The following LRRC27 variants were observed in gnomAD, a reference collection of about 807,000 sequenced individuals.
LRRC27 encodes leucine rich repeat containing 27.
LRRC27 carries 57 observed loss-of-function variants against 55.0 expected under a neutral mutation model. The observed-to-expected ratio is 1.04, with a 90% CI of 0.84 to 1.29. LRRC27 has a LOEUF of 1.29. Among genes scored for constraint, LRRC27 ranks in the 50% most tolerant of loss-of-function variants. LRRC27 has a pLI of 0.00. For missense variants in LRRC27, 721 were observed against 651.5 expected, an observed-to-expected ratio of 1.11 and a Z score of -1.16; for synonymous variants, 278 against 251.9, an observed-to-expected ratio of 1.10 and a Z score of -0.98.
At chr10:132,331,504 GTC>G (rs1179177863), upstream of LRRC27, 3 of 1,612,908 alleles carry the variant, frequency 1.9e-6, no homozygotes, top group Non-Finnish European at 2.5e-6. Context: ...GACGCTCTGA[GTC>G]TGCGTTCCCC....
rs1485594945 is a variant in LRRC27, at chr10:132,344,501, G to A, written c.404G>A (p.Ser135Asn). 18 of 1,612,682 alleles carry A rather than the reference G, an allele frequency of 1.1e-5. 1 individual carries two copies. In the Admixed American group the frequency reaches 2.7e-4, roughly 24 times the overall value. Residue 135 changes from serine (S) to asparagine (N), a missense_variant, in exon 5 of 11, where the codon AGC becomes AAC. Transcript: ENST00000368614. ...GTTTTTTTTTCCTCCACTGCAGGGA[G>A]CGTAACCACGCTGAAAGCACTGAAC... ...PIKMLPVELGSVTTLKALNLR... is the reference protein window; with the variant it reads ...PIKMLPVELGNVTTLKALNLR...
Position 132,365,385 on chromosome 10 carries a change from T to C in LRRC27, c.1290-39T>C, listed in dbSNP as rs370137892. The C allele has an allele frequency of 3.4e-5, 54 of 1,610,372 alleles. No individual in the cohort carries two copies. In the African/African-American group the frequency reaches 6.9e-4, roughly 21 times the overall value. On this transcript the variant is annotated intron_variant, in intron 9 of 10. Coordinates refer to ENST00000368614, the MANE Select transcript of LRRC27 (RefSeq NM_030626.3). ...CGGGAGTTGCTAGGATGAGAGTAAA[T>C]GTGTCAAGTCATTTCCCTCTTTGCC...
chr10:132,349,722 T>C (rs920556366), intron 6 of LRRC27, among the ~76,000 whole-genome samples: 9 of 152,144 alleles, frequency 5.9e-5, no homozygotes, highest in African/African-American at 2.2e-4. Flanking sequence ...GGAGATTGCT[T>C]TGGGTGGCTT....
rs2069401408 is a variant in LRRC27, at chr10:132,380,767, A to G, written c.*5525A>G. On this transcript the variant is annotated 3_prime_UTR_variant, in exon 11 of 11. Transcript: ENST00000368614. ...CATAGAGTGCCACCAGTCATGCCAA[A>G]GAGCTCCTGAGAAGCAGAGAAAAGT... Among the ~76,000 whole-genome samples the G allele has an allele frequency of 6.6e-6, 1 of 152,242 alleles. No homozygotes were observed. The highest frequency in any genetic ancestry group is 2.4e-5 in the African/African-American group (1 of 41,462).
intron 5 of LRRC27, among the ~76,000 whole-genome samples, chr10:132,346,349 A>G (rs551494473): frequency 3.9e-5 from 6 of 152,180 alleles, no homozygotes; most frequent in African/African-American, 1.2e-4. Context: ...GCTACTATGT[A>G]TATTTTTAGT....
intron 10 of LRRC27, among the ~76,000 whole-genome samples, chr10:132,369,660 G>C (rs979454417): frequency 2.6e-4 from 40 of 152,222 alleles, no homozygotes; most frequent in Non-Finnish European, 4.4e-5. Context: ...AAACCCCACA[G>C]ACTGTGCCAC....
chr10:132,377,055 C>CT lies in LRRC27; in HGVS notation c.*1814dup, dbSNP rs975284312. 7.2e-5 allele frequency: 11 copies of CT among 152,226 alleles called. No individual in the cohort carries two copies. Among genetic ancestry groups the CT allele is most frequent in the African/African-American group, 2.4e-4 (10 of 41,440 alleles). 9.4% of individuals were successfully genotyped at this position (152,226 alleles called of 1,614,324 possible). A position where few individuals can be genotyped will look rare whatever the true frequency, so the allele number is the denominator to read the frequency against. On this transcript the variant is annotated 3_prime_UTR_variant, in exon 11 of 11. Transcript: ENST00000368614. ...GCCTCTCCTTTTCACTTCTTGCCTT[C>CT]TGTGGATTTTGTCTGATACTAATCC...
At chr10:132,337,810 T>G in intron 3 of LRRC27, 115 bp downstream of exon 3, 1 of 1,244,912 alleles carries the variant, frequency 8.0e-7, no homozygotes, top group Non-Finnish European at 1.1e-6. Flanking sequence ...ATAGAAACAT[T>G]TAATAGTATT....
chr10:132,359,105 G>A (rs1310901214), intron 8 of LRRC27, among the ~76,000 whole-genome samples: 3 of 110,946 alleles, frequency 2.7e-5, no homozygotes, highest in African/African-American at 9.5e-5. Flanking sequence ...GGAGCAGTGT[G>A]GGGAGGAGCC....
At chr10:132,351,411 C>G in intron 6 of LRRC27, 196 bp from the exon 7 acceptor site, 1 of 657,008 alleles carries the variant, frequency 1.5e-6, no homozygotes, top group Non-Finnish European at 2.7e-6. Context: ...TGTCCTGCTG[C>G]CATCCACACA....
At position 132,333,314 on chromosome 10, in the gene LRRC27, C is replaced by CTTTT. The variant is rs10690076; in HGVS notation, c.-48-152_-48-149dup. ...TTTTAATCTGAACCTCTTTGTATTCCTTTTTTTTTTTTTTACATGTTTAAA... is the reference window on the plus strand; with the variant it reads ...TTTTAATCTGAACCTCTTTGTATTCCTTTTTTTTTTTTTTTTTTACATGTTTAAA... On this transcript the variant is annotated intron_variant, in intron 1 of 10. Coordinates refer to ENST00000368614, the MANE Select transcript of LRRC27 (RefSeq NM_030626.3). Among the ~76,000 whole-genome samples the CTTTT allele has an allele frequency of 2.8e-3, 412 of 149,262 alleles. 1 individual carries two copies. The highest frequency in any genetic ancestry group is 9.7e-3 in the African/African-American group (393 of 40,626).
intron 2 of LRRC27, chr10:132,337,167 C>T (rs1293790536): frequency 1.7e-6 from 2 of 1,180,406 alleles, no homozygotes; most frequent in Non-Finnish European, 2.1e-6. Flanking sequence ...TGGCTATTTG[C>T]TCAGTAAGCA....
intron 5 of LRRC27, among the ~76,000 whole-genome samples, chr10:132,346,312 T>A (rs1426252337): frequency 6.6e-6 from 1 of 152,226 alleles, no homozygotes; most frequent in African/African-American, 2.4e-5. Context: ...TCTATTAGGT[T>A]TTAGGGCCAC....
At chr10:132,331,114 T>C (rs1009589400), upstream of LRRC27, among the ~76,000 whole-genome samples, 3 of 146,806 alleles carry the variant, frequency 2.0e-5, no homozygotes, top group African/African-American at 5.1e-5. Context: ...GGCAGGAGAA[T>C]TGCTTGAACC....
At position 132,376,347 on chromosome 10, in the gene LRRC27, A is replaced by G. The variant is rs1477827176; in HGVS notation, c.*1105A>G. 1.3e-5 allele frequency: 2 copies of G among 152,230 alleles called. No homozygotes were observed. The highest frequency in any genetic ancestry group is 4.8e-5 in the African/African-American group (2 of 41,466). 9.4% of individuals were successfully genotyped at this position (152,230 alleles called of 1,614,324 possible). ...TTAACTGGTGCTTAGAGAGAAATGC[A>G]TCACTTCCAAACCCATGTATTAGAG... is the stretch of plus-strand genomic sequence containing the variant. On this transcript the variant is annotated 3_prime_UTR_variant, in exon 11 of 11. Transcript: ENST00000368614.
Position 132,375,023 on chromosome 10 carries a change from C to T in LRRC27, c.1417-43C>T, listed in dbSNP as rs1590741416. The stretch of plus-strand genomic sequence containing the variant: ...CAGAGACGTGGTGACGCCCTAAGTC[C>T]TGCCAGCCTTTCTAACATCTCCCCC... On this transcript the variant is annotated intron_variant, in intron 10 of 10. Transcript: ENST00000368614. 13 of 1,576,630 alleles carry T rather than the reference C, an allele frequency of 8.2e-6. No individual in the cohort carries two copies. The East Asian group carries it at 2.9e-4, about 36-fold the overall frequency.
At chr10:132,375,004 C>T (rs752158009) in intron 10 of LRRC27, 62 bp from the exon 11 acceptor site, 44 of 1,504,236 alleles carry the variant, frequency 2.9e-5, no homozygotes, top group African/African-American at 9.7e-5. Context: ...GAGCCAGAGA[C>T]GTGGTGACGC....
intron 3 of LRRC27, among the ~76,000 whole-genome samples, chr10:132,341,020 G>T (rs1004989748): frequency 6.6e-6 from 1 of 152,214 alleles, no homozygotes; most frequent in Non-Finnish European, 1.5e-5. Context: ...TGAGGGCTGG[G>T]CATGGTGGCT....
chr10:132,342,320 C>T (rs759579040), intron 4 of LRRC27, 49 bp downstream of exon 4: 3 of 1,182,236 alleles, frequency 2.5e-6, no homozygotes, highest in East Asian at 2.6e-5. Flanking sequence ...ATCTTTTGAA[C>T]TTGCCAGACC....
Sources: gnomAD v4.1 joint callset for allele counts (sites outside exome capture counted in the v4.1 genomes callset) on GRCh38, gnomAD v4.1.1 for gene constraint, MANE v1.5 for transcripts, NCBI Gene and HGNC (gene_info 2026-07-23, HGNC 2026-07-21) for gene names.